Variants in PPP1R3G observed in about 807,000 individuals in gnomAD.
PPP1R3G encodes the protein protein phosphatase 1 regulatory subunit 3G.
Under a neutral mutation model 2.0 loss-of-function variants are expected in PPP1R3G, and 3 were observed. The ratio of observed to expected loss-of-function variants is 1.47; its 90% CI spans 0.67 to 3.81. The LOEUF (loss-of-function observed/expected upper bound fraction) is 3.81, where lower values mean the gene tolerates loss of function less well. Ranked by LOEUF, PPP1R3G falls within the 30% of genes most tolerant of loss-of-function variation. The pLI, the probability that PPP1R3G is intolerant of heterozygous loss-of-function variation, is 0.02. For synonymous variants in PPP1R3G, 267 were observed against 250.9 expected, an observed-to-expected ratio of 1.06 and a Z score of -0.61; for missense variants, 595 against 517.0, an observed-to-expected ratio of 1.15 and a Z score of -1.46.
rs1761999045 is a variant in PPP1R3G at position 5,086,031 on chromosome 6, C to T, written c.546C>T (p.Ala182=). Residue 182 remains alanine (A), a synonymous_variant, in exon 1 of 1, where the codon GCC becomes GCT. Transcript: ENST00000405617. ...TGGAGCAGCTCGGGGGGCTGCTGGC[C>T]GCGGCGGCAGTGGCCGCGCCCCTTT... ...EDLEQLGGLL[A]AAAVAAPLSA... is the part of the protein sequence containing the mutation. 2 of 1,491,240 alleles carry T rather than the reference C, an allele frequency of 1.3e-6. No individual in the cohort carries two copies. Among genetic ancestry groups the T allele is most frequent in the East Asian group, 2.8e-5 (1 of 35,618 alleles). 92.4% of individuals were successfully genotyped at this position (1,491,240 alleles called of 1,614,324 possible). A position where few individuals can be genotyped will look rare whatever the true frequency, so the allele number is the denominator to read the frequency against.
rs1187927647 is a variant in PPP1R3G at position 5,089,485 on chromosome 6, A to G, written c.*2923A>G. ...AGGAGCCCAATATAATGATTCAAAC[A>G]GAGATCTTTGTGTCTAGTATCCTTT... On this transcript the variant is annotated 3_prime_UTR_variant, in exon 1 of 1. Transcript: ENST00000405617. The G allele has an allele frequency of 6.6e-6, 1 of 152,242 alleles. No individual in the cohort carries two copies. The highest frequency in any genetic ancestry group is 6.5e-5 in the Admixed American group (1 of 15,290). The allele number at this position is 152,242 out of a possible 1,614,324, so 9.4% of individuals were successfully genotyped here. A position where few individuals can be genotyped will look rare whatever the true frequency, so the allele number is the denominator to read the frequency against.
In PPP1R3G at chr6:5,086,043, G is replaced by C. The variant is rs552226108; in HGVS notation, c.558G>C (p.Val186=). Residue 186 remains valine (V), a synonymous_variant, in exon 1 of 1, where the codon GTG becomes GTC. Coordinates refer to ENST00000405617, the MANE Select transcript of PPP1R3G (RefSeq NM_001145115.3). ...QLGGLLAAAA[V]AAPLSAPPSR... is the part of the protein sequence containing the mutation. ...GGGGGCTGCTGGCCGCGGCGGCAGT[G>C]GCCGCGCCCCTTTCAGCGCCGCCTT... The C allele has an allele frequency of 6.7e-7, 1 of 1,484,438 alleles. No individual in the cohort carries two copies. The highest frequency in any genetic ancestry group is 1.5e-5 in the African/African-American group (1 of 68,142). The allele number at this position is 1,484,438 out of a possible 1,614,324, so 92.0% of individuals were successfully genotyped here. A position where few individuals can be genotyped will look rare whatever the true frequency, so the allele number is the denominator to read the frequency against.
chr6:5,087,021 G>A lies in PPP1R3G; in HGVS notation c.*459G>A, dbSNP rs1191386057. 1 of 160,314 alleles carries A rather than the reference G, an allele frequency of 6.2e-6. No homozygotes were observed. Among genetic ancestry groups the A allele is most frequent in the Non-Finnish European group, 1.4e-5 (1 of 73,620 alleles). The allele number at this position is 160,314 out of a possible 1,614,324, so 9.9% of individuals were successfully genotyped here. On this transcript the variant is annotated 3_prime_UTR_variant, in exon 1 of 1. Transcript: ENST00000405617. ...AAGCGTCCTGCCACGGTGCACCAGAGGAAGGTGCCACGGACTGTGGGTGCA... is the reference window on the plus strand; with the variant it reads ...AAGCGTCCTGCCACGGTGCACCAGAAGAAGGTGCCACGGACTGTGGGTGCA...
At position 5,086,234 on chromosome 6, in the gene PPP1R3G, T is replaced by C. The variant is rs1281371604; in HGVS notation, c.749T>C (p.Val250Ala). The change falls in exon 1 of 1, where the codon GTG (valine) becomes GCG (alanine). Residue 250 changes from valine to alanine, a missense_variant. Coordinates refer to ENST00000405617, the MANE Select transcript of PPP1R3G (RefSeq NM_001145115.3). ...TGCCCTGGGCCCAGGGCCGTGACCG[T>C]GCGCTACACCTTTACCGAGTGGCGC... ...LSCPGPRAVT[V>A]RYTFTEWRSF... The C allele has an allele frequency of 6.5e-6, 10 of 1,535,398 alleles. No homozygotes were observed. Among genetic ancestry groups the C allele is most frequent in the Non-Finnish European group, 8.7e-6 (10 of 1,146,624 alleles).
Position 5,087,247 on chromosome 6 carries a change from C to T in PPP1R3G, c.*685C>T, listed in dbSNP as rs973185484. On this transcript the variant is annotated 3_prime_UTR_variant, in exon 1 of 1. Transcript: ENST00000405617. ...TTTTACGCTGTACTCTGAATTTTGG[C>T]TTTCGTGAGTTTGGGGAGGCATTGG... 1.3e-5 allele frequency: 2 copies of T among 152,180 alleles called. No homozygotes were observed. Among genetic ancestry groups the T allele is most frequent in the Admixed American group, 1.3e-4 (2 of 15,282 alleles). The allele number at this position is 152,180 out of a possible 1,614,324, so 9.4% of individuals were successfully genotyped here.
rs1482755740 is a variant in PPP1R3G, at chr6:5,088,860, C to A, written c.*2298C>A. ...GGCAGGGGAATCTACCTGTTGCCTTCTTTCACCTAAAAAAATAGTAACACA... is the reference window on the plus strand; with the variant it reads ...GGCAGGGGAATCTACCTGTTGCCTTATTTCACCTAAAAAAATAGTAACACA... On this transcript the variant is annotated 3_prime_UTR_variant, in exon 1 of 1. Transcript: ENST00000405617. 6.6e-6 allele frequency: 1 copy of A among 152,184 alleles called. No individual in the cohort carries two copies. Among genetic ancestry groups the A allele is most frequent in the African/African-American group, 2.4e-5 (1 of 41,444 alleles). 9.4% of individuals were successfully genotyped at this position (152,184 alleles called of 1,614,324 possible).
rs1762128241 is a variant in PPP1R3G, at chr6:5,089,226, T to C, written c.*2664T>C. 1 of 152,200 alleles carries C rather than the reference T, an allele frequency of 6.6e-6. No homozygotes were observed. Among genetic ancestry groups the C allele is most frequent in the African/African-American group, 2.4e-5 (1 of 41,436 alleles). 9.4% of individuals were successfully genotyped at this position (152,200 alleles called of 1,614,324 possible). A position where few individuals can be genotyped will look rare whatever the true frequency, so the allele number is the denominator to read the frequency against. On this transcript the variant is annotated 3_prime_UTR_variant, in exon 1 of 1. Coordinates refer to ENST00000405617, the MANE Select transcript of PPP1R3G (RefSeq NM_001145115.3). ...ATGATAAAATGAAACAATTTTTCTG[T>C]TACTAAATATAAAAGCTATGAAGCC... is the stretch of plus-strand genomic sequence containing the variant.
In PPP1R3G at chr6:5,087,807, C is replaced by T. The variant is rs1762082541; in HGVS notation, c.*1245C>T. On this transcript the variant is annotated 3_prime_UTR_variant, in exon 1 of 1. Transcript: ENST00000405617. ...GCTGTGGATGCCAGGATGATGTGGC[C>T]CTCTGTGCATGGGTGGGCAGGAGGG... 1 of 152,474 alleles carries T rather than the reference C, an allele frequency of 6.6e-6. No individual in the cohort carries two copies. The highest frequency in any genetic ancestry group is 6.5e-5 in the Admixed American group (1 of 15,302). The allele number at this position is 152,474 out of a possible 1,614,324, so 9.4% of individuals were successfully genotyped here.
At position 5,086,587 on chromosome 6, in the gene PPP1R3G, G is replaced by A. The variant is rs550773916; in HGVS notation, c.*25G>A. The A allele has an allele frequency of 1.4e-6, 2 of 1,468,310 alleles. No individual in the cohort carries two copies. The highest frequency in any genetic ancestry group is 1.4e-5 in the African/African-American group (1 of 70,942). 91.0% of individuals were successfully genotyped at this position (1,468,310 alleles called of 1,614,324 possible). A position where few individuals can be genotyped will look rare whatever the true frequency, so the allele number is the denominator to read the frequency against. On this transcript the variant is annotated 3_prime_UTR_variant, in exon 1 of 1. Transcript: ENST00000405617. ...AGCCTGGAGAGTTTCGAAGAGCCGTGGGGCGGGGTTGATTAGCACGTGGAG... is the reference window on the plus strand; with the variant it reads ...AGCCTGGAGAGTTTCGAAGAGCCGTAGGGCGGGGTTGATTAGCACGTGGAG...
In PPP1R3G at chr6:5,086,018, G is replaced by C. The variant is rs759903596; in HGVS notation, c.533G>C (p.Gly178Ala). 1.1e-5 allele frequency: 16 copies of C among 1,497,252 alleles called. No individual in the cohort carries two copies. Among genetic ancestry groups the C allele is most frequent in the South Asian group, 1.2e-5 (1 of 80,510 alleles). The allele number at this position is 1,497,252 out of a possible 1,614,324, so 92.7% of individuals were successfully genotyped here. A position where few individuals can be genotyped will look rare whatever the true frequency, so the allele number is the denominator to read the frequency against. Residue 178 changes from glycine to alanine, a missense_variant, in exon 1 of 1, where the codon GGG (glycine) becomes GCG (alanine). Physicochemically the swap from Gly to Ala is moderately conservative, Grantham distance 60. Transcript: ENST00000405617. ...CGTGCCGAGGACCTGGAGCAGCTCG[G>C]GGGGCTGCTGGCCGCGGCGGCAGTG... ...PMRAEDLEQL[G>A]GLLAAAAVAA...
At position 5,088,027 on chromosome 6, in the gene PPP1R3G, C is replaced by T. The variant is rs747430322; in HGVS notation, c.*1465C>T. 5 of 152,138 alleles carry T rather than the reference C, an allele frequency of 3.3e-5. No individual in the cohort carries two copies. The highest frequency in any genetic ancestry group is 4.4e-5 in the Non-Finnish European group (3 of 68,028). 9.4% of individuals were successfully genotyped at this position (152,138 alleles called of 1,614,324 possible). A position where few individuals can be genotyped will look rare whatever the true frequency, so the allele number is the denominator to read the frequency against. On this transcript the variant is annotated 3_prime_UTR_variant, in exon 1 of 1. Coordinates refer to ENST00000405617, the MANE Select transcript of PPP1R3G (RefSeq NM_001145115.3). ...CATTTGGCCCATGGGCCAAATTTGG[C>T]ACACAGCTTATTCTTGTAGGGCCTG...
chr6:5,086,107 G>A lies in PPP1R3G; in HGVS notation c.622G>A (p.Ala208Thr). The change falls in exon 1 of 1, where the codon GCC becomes ACC. Residue 208 changes from alanine to threonine, a missense_variant. Ala to Thr is a moderately conservative substitution (Grantham distance 58, BLOSUM62 0). Transcript: ENST00000405617. Reference protein sequence around the residue: ...RPLFQLPGPSAAAERLQRQRV... With the variant: ...RPLFQLPGPSTAAERLQRQRV... ...GCTCTTCCAGCTCCCGGGGCCGAGC[G>A]CCGCGGCCGAGCGTCTGCAGCGGCA... 6.8e-7 allele frequency: 1 copy of A among 1,462,060 alleles called. No homozygotes were observed. The highest frequency in any genetic ancestry group is 9.0e-7 in the Non-Finnish European group (1 of 1,116,086). 90.6% of individuals were successfully genotyped at this position (1,462,060 alleles called of 1,614,324 possible). A position where few individuals can be genotyped will look rare whatever the true frequency, so the allele number is the denominator to read the frequency against.
Position 5,086,165 on chromosome 6 carries a change from C to T in PPP1R3G, c.680C>T (p.Thr227Met). The change falls in exon 1 of 1, where the codon ACG becomes ATG. Residue 227 changes from threonine to methionine, a missense_variant. Coordinates refer to ENST00000405617, the MANE Select transcript of PPP1R3G (RefSeq NM_001145115.3). ...RVCLERVQCS[T>M]ASGAEVKGSG... ...TGCCTGGAGCGCGTGCAGTGCTCGA[C>T]GGCCTCGGGCGCTGAGGTGAAGGGC... The T allele has an allele frequency of 2.0e-6, 3 of 1,528,292 alleles. No homozygotes were observed. The highest frequency in any genetic ancestry group is 1.7e-6 in the Non-Finnish European group (2 of 1,142,968). The allele number at this position is 1,528,292 out of a possible 1,614,324, so 94.7% of individuals were successfully genotyped here. A position where few individuals can be genotyped will look rare whatever the true frequency, so the allele number is the denominator to read the frequency against.
In PPP1R3G at chr6:5,087,295, TGA is replaced by T. The variant is rs1217148234; in HGVS notation, c.*734_*735del. 6.6e-6 allele frequency: 1 copy of T among 152,192 alleles called. No individual in the cohort carries two copies. The highest frequency in any genetic ancestry group is 2.4e-5 in the African/African-American group (1 of 41,432). The allele number at this position is 152,192 out of a possible 1,614,324, so 9.4% of individuals were successfully genotyped here. A position where few individuals can be genotyped will look rare whatever the true frequency, so the allele number is the denominator to read the frequency against. ...TGGCAGTCGGCCGATCTTTGTCAGC[TGA>T]TGATGTGCGCACTTTAACAATCCTT... On this transcript the variant is annotated 3_prime_UTR_variant, in exon 1 of 1. Transcript: ENST00000405617.
Position 5,085,584 on chromosome 6 carries a change from C to T in PPP1R3G, c.99C>T (p.Pro33=), listed in dbSNP as rs1198972671. ...PAEELPAPVV[P]CVQGGGDGGG... is the part of the protein sequence containing the mutation. ...AGGAGCTGCCCGCCCCGGTGGTCCC[C>T]TGTGTGCAGGGTGGCGGCGACGGCG... Residue 33 remains proline (P), a synonymous_variant, in exon 1 of 1, where the codon CCC becomes CCT. Coordinates refer to ENST00000405617, the MANE Select transcript of PPP1R3G (RefSeq NM_001145115.3). 1 of 1,545,720 alleles carries T rather than the reference C, an allele frequency of 6.5e-7. No individual in the cohort carries two copies. The highest frequency in any genetic ancestry group is 8.7e-7 in the Non-Finnish European group (1 of 1,146,464).
rs771926989 is a variant in PPP1R3G, at chr6:5,085,896, G to T, written c.411G>T (p.Thr137=). Reference sequence around the variant, plus strand: ...AGAAGCGGGTGCAGTTCGCGGACACGCTGGGGCTAAGCCTGGCCAGCGTGA... The same window carrying T: ...AGAAGCGGGTGCAGTTCGCGGACACTCTGGGGCTAAGCCTGGCCAGCGTGA... ...KCKKRVQFAD[T]LGLSLASVKH... Residue 137 remains threonine (T), a synonymous_variant, in exon 1 of 1, where the codon ACG becomes ACT. Transcript: ENST00000405617. The T allele has an allele frequency of 5.2e-6, 8 of 1,531,756 alleles. No homozygotes were observed. Among genetic ancestry groups the T allele is most frequent in the African/African-American group, 1.4e-5 (1 of 72,502 alleles). The allele number at this position is 1,531,756 out of a possible 1,614,324, so 94.9% of individuals were successfully genotyped here.
In PPP1R3G at chr6:5,086,211, C is replaced by T. The variant is rs768375085; in HGVS notation, c.726C>T (p.Cys242=). 6.5e-7 allele frequency: 1 copy of T among 1,535,192 alleles called. No homozygotes were observed. The highest frequency in any genetic ancestry group is 1.2e-5 in the South Asian group (1 of 84,014). ...EVKGSGRVLS[C]PGPRAVTVRY... ...AGGGCTCCGGCCGGGTGCTCAGCTG[C>T]CCTGGGCCCAGGGCCGTGACCGTGC... The change falls in exon 1 of 1, where the codon TGC becomes TGT. Residue 242 remains cysteine, a synonymous_variant. Transcript: ENST00000405617.
Position 5,085,588 on chromosome 6 carries a change from G to A in PPP1R3G, c.103G>A (p.Val35Met), listed in dbSNP as rs1242316194. The part of the protein sequence containing the change: ...EELPAPVVPC[V>M]QGGGDGGGAS... ...GCTGCCCGCCCCGGTGGTCCCCTGT[G>A]TGCAGGGTGGCGGCGACGGCGGTGG... Residue 35 changes from valine (V) to methionine (M), a missense_variant, in exon 1 of 1, where the codon GTG becomes ATG. Coordinates refer to ENST00000405617, the MANE Select transcript of PPP1R3G (RefSeq NM_001145115.3). The A allele has an allele frequency of 1.9e-6, 3 of 1,546,022 alleles. No individual in the cohort carries two copies. Among genetic ancestry groups the A allele is most frequent in the Admixed American group, 2.0e-5 (1 of 50,990 alleles).
chr6:5,086,243 C>A lies in PPP1R3G; in HGVS notation c.758C>A (p.Thr253Asn). 3 of 1,535,590 alleles carry A rather than the reference C, an allele frequency of 2.0e-6. No homozygotes were observed. Among genetic ancestry groups the A allele is most frequent in the Middle Eastern group, 1.7e-4 (1 of 5,984 alleles). Residue 253 changes from threonine to asparagine, a missense_variant, in exon 1 of 1, where the codon ACC becomes AAC. Physicochemically the swap from Thr to Asn is moderately conservative, Grantham distance 65. Coordinates refer to ENST00000405617, the MANE Select transcript of PPP1R3G (RefSeq NM_001145115.3). ...PGPRAVTVRY[T>N]FTEWRSFLDV... The stretch of plus-strand genomic sequence containing the variant: ...CCCAGGGCCGTGACCGTGCGCTACA[C>A]CTTTACCGAGTGGCGCTCCTTCCTG...
Sources: allele counts gnomAD v4.1 joint callset, GRCh38; gene constraint gnomAD v4.1.1; transcripts MANE v1.5; gene names NCBI Gene and HGNC (gene_info 2026-07-23, HGNC 2026-07-21).